EML3: variants seen among roughly 807,000 people sequenced by gnomAD.
EML3 encodes echinoderm microtubule-associated protein-like 3.
In EML3, 53 loss-of-function variants were observed where a neutral mutation model predicts 106.7. That is an observed-to-expected ratio of 0.50 (90% CI 0.40 to 0.62). The LOEUF is 0.62. Among genes scored for constraint, EML3 ranks in the 20% least tolerant of loss-of-function variants. The pLI, the probability that EML3 is intolerant of heterozygous loss-of-function variation, is 0.00. For missense variants in EML3, 994 were observed against 1,209.1 expected, an observed-to-expected ratio of 0.82 and a Z score of 2.64; for synonymous variants, 499 against 489.6, an observed-to-expected ratio of 1.02 and a Z score of -0.25.
At chr11:62,607,456 G>A (rs112271467) in intron 11 of EML3, 32 of 520,710 alleles carry the variant, frequency 6.1e-5, no homozygotes, top group Middle Eastern at 5.4e-4. Flanking sequence ...AGAATTGCTC[G>A]AACCCAGGAG....
Position 62,609,457 on chromosome 11 carries a change from A to G in EML3, c.655T>C (p.Phe219Leu). 9 of 1,582,712 alleles carry G rather than the reference A, an allele frequency of 5.7e-6. No individual in the cohort carries two copies. Among genetic ancestry groups the G allele is most frequent in the Non-Finnish European group, 7.7e-6 (9 of 1,164,146 alleles). Residue 219 changes from phenylalanine (F) to leucine (L), a missense_variant, in exon 6 of 22, where the codon TTC becomes CTC. Around this residue, in one of 3 missense-constraint regions of EML3, gnomAD observed 269 missense variants for 265.1 expected, o/e 1.01. Coordinates refer to ENST00000394773, the MANE Select transcript of EML3 (RefSeq NM_153265.3). ...YNLEGISVKM[F>L]LRGRPITMYI... The stretch of plus-strand genomic sequence containing the variant: ...ATGGTAATGGGGCGCCCTCGAAGGA[A>G]CATCTTCACTGAGATGCCTTCTACA...
rs962149220 is a variant in EML3, at chr11:62,603,021, G to C, written c.2356+128C>G. On this transcript the variant is annotated intron_variant, in intron 20 of 21. Transcript: ENST00000394773. Reference sequence around the variant, plus strand: ...TCCAGGCAAGCCTTCCCGGTCCCGAGGGGCCTCCTGGGCTGGATCTTCAGG... The same window carrying C: ...TCCAGGCAAGCCTTCCCGGTCCCGACGGGCCTCCTGGGCTGGATCTTCAGG... 10 of 1,508,130 alleles carry C rather than the reference G, an allele frequency of 6.6e-6. No homozygotes were observed. In the African/African-American group the frequency reaches 1.4e-4, roughly 21 times the overall value. 93.4% of individuals were successfully genotyped at this position (1,508,130 alleles called of 1,614,324 possible).
rs898506954 is a variant in EML3, at chr11:62,605,887, C to T, written c.1750G>A (p.Asp584Asn). The T allele has an allele frequency of 3.1e-6, 5 of 1,614,228 alleles. No individual in the cohort carries two copies. In the South Asian group the frequency reaches 4.4e-5, roughly 14 times the overall value. Residue 584 changes from aspartate (D) to asparagine (N), a missense_variant, in exon 14 of 22, where the codon GAC becomes AAC. By Grantham distance (23) the Asp-to-Asn change is conservative. Transcript: ENST00000394773. This position sits in a 1 kb window ranked among gnomAD's most constrained non-coding sequence, Gnocchi z 5.2. The part of the protein sequence containing the change: ...GTTKNALLRG[D>N]LAQGFSPVIQ... ...ACAGGGGAGAAGCCCTGGGCCAGGTCTCCCCTCAGCAATGCATTCTTCGTG... is the reference window on the plus strand; with the variant it reads ...ACAGGGGAGAAGCCCTGGGCCAGGTTTCCCCTCAGCAATGCATTCTTCGTG...
intron 1 of EML3, 71 bp downstream of exon 1, chr11:62,612,365 C>G: frequency 6.9e-7 from 1 of 1,452,510 alleles, no homozygotes; most frequent in Non-Finnish European, 9.2e-7. Context: ...GACAGCCGTC[C>G]AGCTCTGGCA....
Position 62,605,106 on chromosome 11 carries a change from C to G in EML3, c.1982+7G>C. The G allele has an allele frequency of 6.2e-7, 1 of 1,611,218 alleles. No homozygotes were observed. The highest frequency in any genetic ancestry group is 8.5e-7 in the Non-Finnish European group (1 of 1,178,548). Reference sequence around the variant, plus strand: ...TTTCCCTCCTGGGAGTCCTGGCTCTCTCTCACCTCCCCGTGTTCAGTCCTA... The same window carrying G: ...TTTCCCTCCTGGGAGTCCTGGCTCTGTCTCACCTCCCCGTGTTCAGTCCTA... On this transcript the variant is annotated splice_region_variant and intron_variant, in intron 16 of 21. Coordinates refer to ENST00000394773, the MANE Select transcript of EML3 (RefSeq NM_153265.3). The surrounding 1 kb of genome is among the most constrained non-coding windows in gnomAD (Gnocchi z 5.2).
chr11:62,604,268 A>G, intron 16 of EML3, 67 bp from the exon 17 acceptor site: 1 of 1,450,122 alleles, frequency 6.9e-7, no homozygotes, highest in Admixed American at 1.8e-5. Flanking sequence ...ACCCCCAGGG[A>G]GGCCACCCTG....
At chr11:62,609,729 G>A in intron 4 of EML3, 33 bp from the exon 5 acceptor site, 1 of 1,568,722 alleles carries the variant, frequency 6.4e-7, no homozygotes, top group Non-Finnish European at 8.6e-7. Context: ...AGGGATTGGG[G>A]TCAGGTCCCA....
At chr11:62,608,424 C>T in intron 9 of EML3, 118 bp downstream of exon 9, 1 of 1,349,116 alleles carries the variant, frequency 7.4e-7, no homozygotes. Flanking sequence ...GGCCCTTTCT[C>T]AAGAGAACCA....
In EML3 at chr11:62,602,683, G is replaced by A. The variant is rs71490394; in HGVS notation, c.2488-5C>T. On this transcript the variant is annotated splice_polypyrimidine_tract_variant and splice_region_variant and intron_variant, in intron 21 of 21. Coordinates refer to ENST00000394773, the MANE Select transcript of EML3 (RefSeq NM_153265.3). ...CCCGTACATGCGGCTCGGCGCCTGG[G>A]CCGGAGGGAAGAGTTGCGGTGGCGG... The A allele has an allele frequency of 0.33, 519,601 of 1,596,270 alleles. 90,829 individuals are homozygous for A. Among genetic ancestry groups the A allele is most frequent in the Non-Finnish European group, 0.37 (431,434 of 1,173,802 alleles).
chr11:62,607,071 C>T lies in EML3; in HGVS notation c.1391G>A (p.Cys464Tyr). ...GKYKKPKFIP[C>Y]FVFLPDGDIL... The stretch of plus-strand genomic sequence containing the variant: ...GTCTCCATCCGGAAGGAACACAAAG[C>T]AAGGGATAAACTTGGGTTTCTTGTA... Residue 464 changes from cysteine (C) to tyrosine (Y), a missense_variant, in exon 12 of 22, where the codon TGC (cysteine) becomes TAC (tyrosine). By Grantham distance (194) the Cys-to-Tyr change is radical (BLOSUM62 -2). Around this residue, in one of 3 missense-constraint regions of EML3, gnomAD observed 713 missense variants for 920.5 expected, o/e 0.77. Transcript: ENST00000394773. 1 of 1,614,024 alleles carries T rather than the reference C, an allele frequency of 6.2e-7. No homozygotes were observed. The highest frequency in any genetic ancestry group is 8.5e-7 in the Non-Finnish European group (1 of 1,179,970).
intron 1 of EML3, chr11:62,612,115 T>C (rs1291874310): frequency 6.4e-6 from 3 of 468,354 alleles, no homozygotes; most frequent in South Asian, 2.9e-5. Flanking sequence ...AGAGTCACAG[T>C]GAAGGTCTCA....
rs371944338 is a variant in EML3, at chr11:62,607,785, G to T, written c.1243C>A (p.Pro415Thr). ...GTGACGATGCAGCTGCTGTCACGAG[G>T]GTTGAAGCCAACGGCCAGGACTGAG... ...NDSVLAVGFNPRDSSCIVTSG... is the reference protein window; with the variant it reads ...NDSVLAVGFNTRDSSCIVTSG... The change falls in exon 11 of 22, where the codon CCT becomes ACT. Residue 415 changes from proline to threonine, a missense_variant. Pro to Thr is a conservative substitution (Grantham distance 38). This residue lies in a region of EML3 where 713 missense variants were observed against 920.5 expected (regional missense o/e 0.77). Coordinates refer to ENST00000394773, the MANE Select transcript of EML3 (RefSeq NM_153265.3). 1.2e-6 allele frequency: 2 copies of T among 1,613,978 alleles called. No homozygotes were observed. Among genetic ancestry groups the T allele is most frequent in the South Asian group, 1.1e-5 (1 of 91,068 alleles).
At position 62,605,740 on chromosome 11, in the gene EML3, G is replaced by A. The variant is rs1320481963; in HGVS notation, c.1816C>T (p.His606Tyr). The part of the protein sequence containing the change: ...HTDELWGLCT[H>Y]PSQNRFLTCG... ...GTGAGGAAGCGGTTCTGGGAGGGGT[G>A]TGTGCAGAGCCCCCAGAGCTCATCA... Residue 606 changes from histidine (H) to tyrosine (Y), a missense_variant, in exon 15 of 22, where the codon CAC (histidine) becomes TAC (tyrosine). Transcript: ENST00000394773. This position sits in a 1 kb window ranked among gnomAD's most constrained non-coding sequence, Gnocchi z 5.2. 1.3e-6 allele frequency: 2 copies of A among 1,599,488 alleles called. No homozygotes were observed. Among genetic ancestry groups the A allele is most frequent in the Non-Finnish European group, 8.5e-7 (1 of 1,172,366 alleles).
At chr11:62,607,542 GA>G (rs112711782) in intron 11 of EML3, 123 bp downstream of exon 11, 102,795 of 900,674 alleles carry the variant, frequency 0.11, 11 homozygotes, top group East Asian at 0.14. Flanking sequence ...CGTCTCAAAA[GA>G]AAAAAAAAAA....
intron 16 of EML3, among the ~76,000 whole-genome samples, chr11:62,604,466 C>T (rs34065644): frequency 0.22 from 32,911 of 152,100 alleles, 4,143 homozygotes; most frequent in Non-Finnish European, 0.3. Context: ...CAACCTCCAC[C>T]TCCTGGGTTC....
chr11:62,610,835 G>A (rs1418990135), intron 4 of EML3, 44 bp downstream of exon 4: 6 of 1,536,318 alleles, frequency 3.9e-6, no homozygotes, highest in Non-Finnish European at 4.5e-6. Context: ...AAAGTCGAGA[G>A]CCTGCGCCTG....
rs1190244724 is a variant in EML3 at position 62,608,735 on chromosome 11, C to T, written c.999+1G>A. The T allele has an allele frequency of 1.9e-6, 3 of 1,609,776 alleles. No individual in the cohort carries two copies. The highest frequency in any genetic ancestry group is 1.7e-5 in the Admixed American group (1 of 59,856). On this transcript the variant is annotated splice_donor_variant, in intron 8 of 21. Coordinates refer to ENST00000394773, the MANE Select transcript of EML3 (RefSeq NM_153265.3). LOFTEE classifies it high-confidence loss of function. ...TGCCTGCTCCCTGACTTTGGCCTTA[C>T]CTTTCCATCCTTATCCACTCCAGCT...
At chr11:62,608,887 G>A in intron 7 of EML3, 75 bp downstream of exon 7, 1 of 1,588,382 alleles carries the variant, frequency 6.3e-7, no homozygotes, top group Non-Finnish European at 8.6e-7. Flanking sequence ...AGAGCAGCAA[G>A]GCAACTCTTT....
At chr11:62,607,928 C>T (rs1942617144) in intron 10 of EML3, 107 bp from the exon 11 acceptor site, 1 of 1,338,676 alleles carries the variant, frequency 7.5e-7, no homozygotes, top group East Asian at 2.3e-5. Flanking sequence ...GGTCCAGAAA[C>T]CCCAGGACAA....
Sources: allele counts gnomAD v4.1 joint callset (sites outside exome capture counted in the v4.1 genomes callset), GRCh38; gene constraint gnomAD v4.1.1; regional missense constraint gnomAD v4.1.1; non-coding constraint Gnocchi (gnomAD v3.1); transcripts MANE v1.5; gene names NCBI Gene and HGNC (gene_info 2026-07-23, HGNC 2026-07-21).